AFG2A: variants seen among roughly 807,000 people sequenced by gnomAD.
The protein encoded by AFG2A is ATPase family gene 2 protein homolog A.
the AFG2A span, among the ~76,000 whole-genome samples, chr4:123,199,125 C>T: frequency 6.6e-6 from 1 of 152,082 alleles, no homozygotes; most frequent in African/African-American, 2.4e-5. Flanking sequence ...AGGGCAGACT[C>T]CTCCACATCA....
At chr4:123,226,433 T>G in the AFG2A span, among the ~76,000 whole-genome samples, 1 of 152,234 alleles carries the variant, frequency 6.6e-6, no homozygotes, top group Non-Finnish European at 1.5e-5. Flanking sequence ...GGTTGTTGAA[T>G]TTTGTCAAAG....
At chr4:122,990,747 C>A in the AFG2A span, among the ~76,000 whole-genome samples, 1 of 152,230 alleles carries the variant, frequency 6.6e-6, no homozygotes, top group Non-Finnish European at 1.5e-5. Context: ...TGCCATTGCA[C>A]CTTATTAAAT....
chr4:122,941,616 A>G, the AFG2A span, among the ~76,000 whole-genome samples: 1 of 152,102 alleles, frequency 6.6e-6, no homozygotes, highest in Non-Finnish European at 1.5e-5. Context: ...CTAACTGAAT[A>G]CCCTTTATTT....
the AFG2A span, among the ~76,000 whole-genome samples, chr4:122,964,211 A>G: frequency 6.6e-6 from 1 of 152,190 alleles, no homozygotes; most frequent in Non-Finnish European, 1.5e-5. Context: ...GGTTGGTGCA[A>G]AAGTAATTGC....
chr4:123,237,957 C>T, the AFG2A span, among the ~76,000 whole-genome samples: 3 of 152,188 alleles, frequency 2.0e-5, no homozygotes, highest in East Asian at 1.9e-4. Context: ...CCTGGAATAT[C>T]GCTACACTCC....
the AFG2A span, among the ~76,000 whole-genome samples, chr4:123,224,420 C>A: frequency 2.0e-5 from 3 of 150,478 alleles, no homozygotes; most frequent in African/African-American, 7.3e-5. Context: ...TCCATGTGTT[C>A]TTATTGTTCA....
At chr4:123,265,351 G>T in the AFG2A span, among the ~76,000 whole-genome samples, 1 of 152,058 alleles carries the variant, frequency 6.6e-6, no homozygotes, top group African/African-American at 2.4e-5. Context: ...AATGAAGGTT[G>T]CAAAATTATA....
At chr4:122,949,342 A>G in the AFG2A span, among the ~76,000 whole-genome samples, 1 of 151,984 alleles carries the variant, frequency 6.6e-6, no homozygotes, top group South Asian at 2.1e-4. Context: ...ATGCCATCTC[A>G]CGTTGTTGGT....
At chr4:123,075,111 T>A in the AFG2A span, among the ~76,000 whole-genome samples, 4 of 151,494 alleles carry the variant, frequency 2.6e-5, no homozygotes, top group Non-Finnish European at 5.9e-5. Context: ...GCCCGGCTAA[T>A]TTTTGTATTT....
the AFG2A span, among the ~76,000 whole-genome samples, chr4:123,128,229 C>T: frequency 1.3e-5 from 2 of 152,032 alleles, no homozygotes; most frequent in Non-Finnish European, 2.9e-5. Flanking sequence ...CTTTTCCTTC[C>T]GTTTATTAAC....
At chr4:123,212,228 T>C in the AFG2A span, among the ~76,000 whole-genome samples, 1 of 152,112 alleles carries the variant, frequency 6.6e-6, no homozygotes, top group Admixed American at 6.6e-5. Flanking sequence ...GTCCATAGTT[T>C]TTCCTTTTTC....
chr4:123,255,811 C>T, the AFG2A span, among the ~76,000 whole-genome samples: 2 of 150,958 alleles, frequency 1.3e-5, no homozygotes, highest in East Asian at 1.9e-4. Context: ...TGAGCCACCG[C>T]GCCCAGCCTT....
the AFG2A span, among the ~76,000 whole-genome samples, chr4:122,941,358 A>G: frequency 6.6e-6 from 1 of 151,514 alleles, no homozygotes; most frequent in African/African-American, 2.4e-5. Flanking sequence ...CGTCCCTTGT[A>G]AGTTGGATTC....
the AFG2A span, among the ~76,000 whole-genome samples, chr4:123,135,951 A>G: frequency 1.3e-5 from 2 of 152,194 alleles, 1 homozygote; most frequent in African/African-American, 4.8e-5. Context: ...TACACTAACA[A>G]CAAACTGTCT....
chr4:122,933,296 T>A, the AFG2A span: 4 of 657,044 alleles, frequency 6.1e-6, no homozygotes, highest in Non-Finnish European at 1.0e-5. Context: ...TTCAAAATTG[T>A]ATACATTATT....
At chr4:123,286,085 T>A in the AFG2A span, among the ~76,000 whole-genome samples, 218 of 152,272 alleles carry the variant, frequency 1.4e-3, 1 homozygote, top group African/African-American at 5.0e-3. Flanking sequence ...ATTCCCCTGT[T>A]CCCCAAGAGC....
the AFG2A span, among the ~76,000 whole-genome samples, chr4:123,008,256 C>G: frequency 2.0e-5 from 3 of 152,122 alleles, no homozygotes; most frequent in Non-Finnish European, 2.9e-5. Flanking sequence ...AGATGCCAGG[C>G]TCTTTTCAGT....
At chr4:123,162,839 T>A in the AFG2A span, among the ~76,000 whole-genome samples, 8 of 152,210 alleles carry the variant, frequency 5.3e-5, no homozygotes, top group African/African-American at 1.9e-4. Flanking sequence ...GGTCATGGTT[T>A]AATCATCTAT....
chr4:123,144,354 A>G, the AFG2A span, among the ~76,000 whole-genome samples: 2 of 152,144 alleles, frequency 1.3e-5, no homozygotes, highest in Non-Finnish European at 2.9e-5. Flanking sequence ...GATAAAATGT[A>G]AATTATCTAA....
Sources: gnomAD v4.1 joint callset for allele counts (sites outside exome capture counted in the v4.1 genomes callset) on GRCh38, gnomAD v4.1.1 for gene constraint, MANE v1.5 for transcripts, NCBI Gene and HGNC (gene_info 2026-07-23, HGNC 2026-07-21) for gene names.